The following SEMA7A variants were observed in gnomAD, a reference collection of about 807,000 sequenced individuals.
The protein encoded by SEMA7A is semaphorin-7A.
SEMA7A carries 21 observed loss-of-function variants against 67.5 expected under a neutral mutation model. That is an observed-to-expected ratio of 0.31 (90% CI 0.22 to 0.45). The LOEUF is 0.45. Among genes scored for constraint, SEMA7A ranks in the 20% least tolerant of loss-of-function variants. The pLI is 1.00. For synonymous variants in SEMA7A, 364 were observed against 368.5 expected (o/e 0.99, Z 0.14); for missense variants, 774 against 908.6 (o/e 0.85, Z 1.90).
intron 1 of SEMA7A, among the ~76,000 whole-genome samples, chr15:74,426,524 G>A (rs544669620): frequency 9.2e-5 from 14 of 152,278 alleles, no homozygotes; most frequent in Admixed American, 9.1e-4. Context: ...TTACAACAGT[G>A]GGGCAGGAAT....
At chr15:74,418,614 C>T (rs942571873) in intron 2 of SEMA7A, among the ~76,000 whole-genome samples, 187 bp downstream of exon 2, 19 of 152,304 alleles carry the variant, frequency 1.2e-4, no homozygotes, top group African/African-American at 4.3e-4. Flanking sequence ...TTCTCCACAC[C>T]GCCCCAGCTC....
chr15:74,421,907 T>A (rs2061003530), intron 1 of SEMA7A, among the ~76,000 whole-genome samples: 1 of 152,172 alleles, frequency 6.6e-6, no homozygotes, highest in East Asian at 1.9e-4. Flanking sequence ...ATGTATCATA[T>A]CCCTGAACAT....
Position 74,410,460 on chromosome 15 carries a change from C to T in SEMA7A, c.*164G>A. 9.3e-7 allele frequency: 1 copy of T among 1,070,972 alleles called. No individual in the cohort carries two copies. Among genetic ancestry groups the T allele is most frequent in the Non-Finnish European group, 1.3e-6 (1 of 760,068 alleles). 66.3% of individuals were successfully genotyped at this position (1,070,972 alleles called of 1,614,324 possible). ...CCGTGCGCCACCTGGGGCCCAGCAG[C>T]CGCCTGCGGCTGGACGTCTCCAGGC... On this transcript the variant is annotated 3_prime_UTR_variant, in exon 14 of 14. Coordinates refer to ENST00000261918, the MANE Select transcript of SEMA7A (RefSeq NM_003612.5). This position sits in a 1 kb window ranked among gnomAD's most constrained non-coding sequence, Gnocchi z 7.5.
intron 1 of SEMA7A, among the ~76,000 whole-genome samples, chr15:74,429,743 G>C (rs954347415): frequency 6.6e-6 from 1 of 152,010 alleles, no homozygotes; most frequent in African/African-American, 2.4e-5. Flanking sequence ...AAACTTTTCG[G>C]GAGCCCCCAG....
At chr15:74,413,520 G>C (rs1279918806) in intron 10 of SEMA7A, among the ~76,000 whole-genome samples, 1 of 152,186 alleles carries the variant, frequency 6.6e-6, no homozygotes, top group Non-Finnish European at 1.5e-5. Context: ...CGCACTGTGT[G>C]ACCTCTCCTC....
At position 74,433,392 on chromosome 15, in the gene SEMA7A, G is replaced by A. The variant is rs1226339315; in HGVS notation, c.178+349C>T. Among the ~76,000 whole-genome samples, 87 of 151,946 alleles carry A rather than the reference G, an allele frequency of 5.7e-4. 2 individuals carry two copies. Among genetic ancestry groups the A allele is most frequent in the Admixed American group, 5.7e-3 (87 of 15,280 alleles). On this transcript the variant is annotated intron_variant, in intron 1 of 13. Coordinates refer to ENST00000261918, the MANE Select transcript of SEMA7A (RefSeq NM_003612.5). Reference sequence around the variant, plus strand: ...CCCAGGCGGGGAAAGGTCCTCCGCCGAAGCCCCCGAGCCAGAGGACCCAGA... The same window carrying A: ...CCCAGGCGGGGAAAGGTCCTCCGCCAAAGCCCCCGAGCCAGAGGACCCAGA...
At chr15:74,429,692 T>C (rs1311381072) in intron 1 of SEMA7A, among the ~76,000 whole-genome samples, 4 of 152,206 alleles carry the variant, frequency 2.6e-5, no homozygotes, top group African/African-American at 9.7e-5. Flanking sequence ...AGTCATAGGA[T>C]GACAGGTATC....
chr15:74,417,402 C>T lies in SEMA7A; in HGVS notation c.594G>A (p.Gly198=), dbSNP rs1416392419. The change falls in exon 6 of 14, where the codon GGG becomes GGA. Residue 198 remains glycine, a synonymous_variant. Coordinates refer to ENST00000261918, the MANE Select transcript of SEMA7A (RefSeq NM_003612.5). ...YSTIRKQEYN[G]KIPRFRRIRG... is the part of the protein sequence containing the mutation. ...GGATGCGGCGGAACCGAGGGATCTTCCCATTGTATTCCTGCTTCCGGATGG... is the reference window on the plus strand; with the variant it reads ...GGATGCGGCGGAACCGAGGGATCTTTCCATTGTATTCCTGCTTCCGGATGG... The T allele has an allele frequency of 6.2e-7, 1 of 1,614,040 alleles. No individual in the cohort carries two copies. The highest frequency in any genetic ancestry group is 1.7e-5 in the Admixed American group (1 of 60,028).
chr15:74,410,627 G>A lies in SEMA7A; in HGVS notation c.1998C>T (p.His666=), dbSNP rs759656883. ...LPTLTLGLLV[H] is the part of the protein sequence containing the mutation. ...GCATGCCCAGCCTCGGGAGGCCCTAGTGGACCAGCAAGCCAAGAGTGAGTG... is the reference window on the plus strand; with the variant it reads ...GCATGCCCAGCCTCGGGAGGCCCTAATGGACCAGCAAGCCAAGAGTGAGTG... Residue 666 remains histidine (H), a synonymous_variant, in exon 14 of 14, where the codon CAC becomes CAT. Transcript: ENST00000261918. The surrounding 1 kb of genome is among the most constrained non-coding windows in gnomAD (Gnocchi z 7.5). 1.1e-5 allele frequency: 17 copies of A among 1,583,758 alleles called. No individual in the cohort carries two copies. The South Asian group carries it at 1.9e-4, about 18-fold the overall frequency.
chr15:74,427,524 T>A (rs1291823645), intron 1 of SEMA7A, among the ~76,000 whole-genome samples: 1 of 152,088 alleles, frequency 6.6e-6, no homozygotes, highest in Non-Finnish European at 1.5e-5. Context: ...AAAGACGGGG[T>A]TTCACCATGT....
chr15:74,414,229 C>G lies in SEMA7A; in HGVS notation c.1294+318G>C, dbSNP rs1034745230. ...CCCCTCCTCCTCATTTGCCACGTCT[C>G]TTCCTACCATCTTCTTCCCTGAGTC... On this transcript the variant is annotated intron_variant, in intron 10 of 13. Transcript: ENST00000261918. This position sits in a 1 kb window ranked among gnomAD's most constrained non-coding sequence, Gnocchi z 4.1. Among the ~76,000 whole-genome samples the G allele has an allele frequency of 9.2e-5, 14 of 152,218 alleles. No homozygotes were observed. The highest frequency in any genetic ancestry group is 1.5e-5 in the Non-Finnish European group (1 of 68,044).
In SEMA7A at chr15:74,411,283, CAGAT is replaced by C. The variant is rs762851573; in HGVS notation, c.1639+8_1639+11del. On this transcript the variant is annotated splice_region_variant and intron_variant, in intron 13 of 13. Transcript: ENST00000261918. This position sits in a 1 kb window ranked among gnomAD's most constrained non-coding sequence, Gnocchi z 4.4. Reference sequence around the variant, plus strand: ...ATTGGGCCACAGCCGCCAGCAGGGCCAGATCAGGTACCTGGTTTGGGGTTGGGAC... The same window carrying C: ...ATTGGGCCACAGCCGCCAGCAGGGCCCAGGTACCTGGTTTGGGGTTGGGAC... The C allele has an allele frequency of 6.2e-7, 1 of 1,613,474 alleles. No homozygotes were observed. The highest frequency in any genetic ancestry group is 1.1e-5 in the South Asian group (1 of 90,966).
At position 74,411,270 on chromosome 15, in the gene SEMA7A, C is replaced by T. The variant is rs1359965642; in HGVS notation, c.1639+25G>A. 1.2e-6 allele frequency: 2 copies of T among 1,610,522 alleles called. No homozygotes were observed. Among genetic ancestry groups the T allele is most frequent in the Non-Finnish European group, 1.7e-6 (2 of 1,177,844 alleles). ...CAGTACCCCACTCATTGGGCCACAG[C>T]CGCCAGCAGGGCCAGATCAGGTACC... On this transcript the variant is annotated intron_variant, in intron 13 of 13. Coordinates refer to ENST00000261918, the MANE Select transcript of SEMA7A (RefSeq NM_003612.5). The surrounding 1 kb of genome is among the most constrained non-coding windows in gnomAD (Gnocchi z 4.4).
At position 74,417,444 on chromosome 15, in the gene SEMA7A, C is replaced by T. The variant is rs768480455; in HGVS notation, c.552G>A (p.Gly184=). The change falls in exon 6 of 14, where the codon GGG becomes GGA. Residue 184 remains glycine (G), a splice_region_variant and synonymous_variant. Transcript: ENST00000261918. ...TCCGGATGGTGGAATACACCTCGTC[C>T]CCTGGGGTCAGTGGGAGGGAGAAAT... ...PDENSLVLFE[G]DEVYSTIRKQ... is the part of the protein sequence containing the mutation. The T allele has an allele frequency of 6.2e-7, 1 of 1,613,456 alleles. No individual in the cohort carries two copies. The highest frequency in any genetic ancestry group is 1.1e-5 in the South Asian group (1 of 91,070).
chr15:74,427,382 T>C (rs2061052147), intron 1 of SEMA7A: 1 of 985,470 alleles, frequency 1.0e-6, no homozygotes, highest in Non-Finnish European at 1.2e-6. Context: ...GGGCCACCAA[T>C]GGAGTGCAGA....
rs751302990 is a variant in SEMA7A, at chr15:74,418,766, G to C, written c.330+35C>G. ...GGCAGGGCCAGAGGGGAGATAAGAG[G>C]GTAGGGGGGGTGTTGGGGGAAGAGA... On this transcript the variant is annotated intron_variant, in intron 2 of 13. Transcript: ENST00000261918. 2.6e-5 allele frequency: 42 copies of C among 1,606,662 alleles called. No individual in the cohort carries two copies. In the Middle Eastern group the frequency reaches 5.0e-4, roughly 19 times the overall value.
At chr15:74,413,309 T>C (rs1689645238) in intron 10 of SEMA7A, among the ~76,000 whole-genome samples, 1 of 152,250 alleles carries the variant, frequency 6.6e-6, no homozygotes, top group African/African-American at 2.4e-5. Flanking sequence ...CCTCCCATTC[T>C]CTGCAGAGGA....
chr15:74,414,540 C>A lies in SEMA7A; in HGVS notation c.1294+7G>T. ...AGCAAACTGAGGGTCCCGGGGTAGC[C>A]TCTCACCTGTAGTTAGGTAAAGCAC... On this transcript the variant is annotated splice_region_variant and intron_variant, in intron 10 of 13. Transcript: ENST00000261918. The surrounding 1 kb of genome is among the most constrained non-coding windows in gnomAD (Gnocchi z 4.1). 6.2e-7 allele frequency: 1 copy of A among 1,613,992 alleles called. No homozygotes were observed. Among genetic ancestry groups the A allele is most frequent in the Non-Finnish European group, 8.5e-7 (1 of 1,179,814 alleles).
chr15:74,427,511 A>G (rs1384486339), intron 1 of SEMA7A, among the ~76,000 whole-genome samples: 1 of 152,044 alleles, frequency 6.6e-6, no homozygotes, highest in African/African-American at 2.4e-5. Flanking sequence ...TTGTATTTTT[A>G]GTAAAGACGG....
Sources: gnomAD v4.1 joint callset for allele counts (sites outside exome capture counted in the v4.1 genomes callset) on GRCh38, gnomAD v4.1.1 for gene constraint, Gnocchi (gnomAD v3.1) non-coding constraint, MANE v1.5 for transcripts, NCBI Gene and HGNC (gene_info 2026-07-23, HGNC 2026-07-21) for gene names.